Variants in GRM7 observed in about 807,000 individuals in gnomAD.
GRM7 encodes the protein glutamate metabotropic receptor 7.
Under a neutral mutation model 84.5 loss-of-function variants are expected in GRM7, and 35 were observed. That is an observed-to-expected ratio of 0.41 (90% confidence interval 0.32 to 0.55). The LOEUF (loss-of-function observed/expected upper bound fraction) is 0.55, where lower values mean the gene tolerates loss of function less well. Ranked by LOEUF, GRM7 falls within the 20% of genes least tolerant of loss-of-function variation. GRM7 has a pLI of 0.19. For synonymous variants in GRM7, 487 were observed against 455.1 expected, an observed-to-expected ratio of 1.07 and a Z score of -0.89; for missense variants, 1,003 against 1,194.6, an observed-to-expected ratio of 0.84 and a Z score of 2.36.
chr3:6,942,984 A>G (rs1284262551), intron 1 of GRM7, among the ~76,000 whole-genome samples: 1 of 152,008 alleles, frequency 6.6e-6, no homozygotes, highest in Non-Finnish European at 1.5e-5. Context: ...GATTTTTATT[A>G]TATCATTGGA....
intron 4 of GRM7, among the ~76,000 whole-genome samples, chr3:7,346,707 G>C (rs896700816): frequency 6.6e-6 from 1 of 152,034 alleles, no homozygotes; most frequent in Non-Finnish European, 1.5e-5. Flanking sequence ...ACTGGAAAAC[G>C]TACTACCAGT....
At chr3:7,695,433 T>C (rs566337891) in intron 9 of GRM7, among the ~76,000 whole-genome samples, 1 of 152,236 alleles carries the variant, frequency 6.6e-6, no homozygotes, top group South Asian at 2.1e-4. Context: ...GTCTACATTT[T>C]TTTTTAGCCC....
intron 9 of GRM7, among the ~76,000 whole-genome samples, chr3:7,711,865 C>T (rs1465666130): frequency 1.3e-5 from 2 of 152,212 alleles, no homozygotes; most frequent in South Asian, 2.1e-4. Context: ...CAAACACAGT[C>T]GGCTTACCTC....
intron 1 of GRM7, among the ~76,000 whole-genome samples, chr3:7,063,611 G>T (rs1697510955): frequency 6.6e-6 from 1 of 151,638 alleles, no homozygotes; most frequent in Admixed American, 6.6e-5. Flanking sequence ...TCTTTTACAT[G>T]AAATAATTTG....
chr3:6,897,201 C>G (rs1010411115), intron 1 of GRM7, among the ~76,000 whole-genome samples: 4 of 152,154 alleles, frequency 2.6e-5, no homozygotes, highest in African/African-American at 9.7e-5. Context: ...TACTATTGAA[C>G]AGCTTCTTTA....
chr3:7,531,474 C>T (rs1173267358), intron 7 of GRM7, among the ~76,000 whole-genome samples: 1 of 152,050 alleles, frequency 6.6e-6, no homozygotes, highest in South Asian at 2.1e-4. Context: ...TGTTTGTGTC[C>T]TCTCTTATTT....
At chr3:7,298,879 GAA>G in intron 3 of GRM7, 54 bp downstream of exon 3, 1 of 1,455,710 alleles carries the variant, frequency 6.9e-7, no homozygotes, top group African/African-American at 1.4e-5. Flanking sequence ...TTAGGAGAGA[GAA>G]AGATTAGGCT....
At chr3:7,499,597 C>T (rs2124962316) in intron 7 of GRM7, among the ~76,000 whole-genome samples, 1 of 152,208 alleles carries the variant, frequency 6.6e-6, no homozygotes, top group South Asian at 2.1e-4. Context: ...GACTTATTTT[C>T]AGATGAGGAA....
intron 4 of GRM7, among the ~76,000 whole-genome samples, chr3:7,348,067 CTG>C (rs1433879852): frequency 6.6e-6 from 1 of 152,158 alleles, no homozygotes; most frequent in Non-Finnish European, 1.5e-5. Context: ...GTGGTAAAAT[CTG>C]TGTGCTTCTG....
At chr3:7,700,920 T>C (rs1465784987) in intron 9 of GRM7, among the ~76,000 whole-genome samples, 1 of 152,224 alleles carries the variant, frequency 6.6e-6, no homozygotes, top group Non-Finnish European at 1.5e-5. Flanking sequence ...TTTCCTTCCC[T>C]TCATAAGTGA....
chr3:7,468,631 C>G (rs1478434898), intron 7 of GRM7, among the ~76,000 whole-genome samples: 1 of 152,178 alleles, frequency 6.6e-6, no homozygotes, highest in Non-Finnish European at 1.5e-5. Flanking sequence ...ACCCAAATCT[C>G]ATCTTAAATT....
At chr3:7,078,281 C>G (rs1426418768) in intron 1 of GRM7, among the ~76,000 whole-genome samples, 1 of 152,200 alleles carries the variant, frequency 6.6e-6, no homozygotes, top group East Asian at 1.9e-4. Context: ...CACCCAGAAA[C>G]TTGTTAGAAA....
At chr3:7,441,456 T>G (rs1378672706) in intron 5 of GRM7, among the ~76,000 whole-genome samples, 1 of 152,176 alleles carries the variant, frequency 6.6e-6, no homozygotes, top group Non-Finnish European at 1.5e-5. Flanking sequence ...TTTACTCCAT[T>G]GATGGTTTCT....
chr3:7,669,321 A>G (rs1377509851), intron 8 of GRM7, among the ~76,000 whole-genome samples: 1 of 152,212 alleles, frequency 6.6e-6, no homozygotes, highest in East Asian at 1.9e-4. Flanking sequence ...AAAGACAAGT[A>G]GGAGGTAGCT....
rs1474722542 is a variant in GRM7, at chr3:7,060,832, G to A, written c.520-85620G>A. Among the ~76,000 whole-genome samples, 5 of 151,844 alleles carry A rather than the reference G, an allele frequency of 3.3e-5. No homozygotes were observed. In the South Asian group the frequency reaches 8.3e-4, roughly 25 times the overall value. On this transcript the variant is annotated intron_variant, in intron 1 of 9. Transcript: ENST00000357716. ...AATATTATGGGGAAAGGTAAAGACA[G>A]TGTCTTTGAAGCATATGTTGATGTT...
At chr3:7,157,576 A>G (rs977661226) in intron 2 of GRM7, among the ~76,000 whole-genome samples, 3 of 152,138 alleles carry the variant, frequency 2.0e-5, no homozygotes, top group African/African-American at 7.2e-5. Flanking sequence ...AGGACTGTTC[A>G]AGCTACTAGC....
intron 7 of GRM7, among the ~76,000 whole-genome samples, chr3:7,502,108 C>T (rs1216167714): frequency 6.6e-6 from 1 of 152,192 alleles, no homozygotes; most frequent in African/African-American, 2.4e-5. Context: ...TGCTAAGCTT[C>T]ACTATCCTTA....
chr3:7,597,525 C>G (rs1696106741), intron 8 of GRM7, among the ~76,000 whole-genome samples: 1 of 152,196 alleles, frequency 6.6e-6, no homozygotes, highest in African/African-American at 2.4e-5. Flanking sequence ...GTCCAGCAGA[C>G]TGTTCCATGA....
chr3:7,399,982 C>T (rs1452326485), intron 4 of GRM7, among the ~76,000 whole-genome samples: 12 of 152,158 alleles, frequency 7.9e-5, no homozygotes. Context: ...GTACCTACCT[C>T]AGAGGTATTA....
Sources: gnomAD v4.1 joint callset for allele counts (sites outside exome capture counted in the v4.1 genomes callset) on GRCh38, gnomAD v4.1.1 for gene constraint, MANE v1.5 for transcripts, NCBI Gene and HGNC (gene_info 2026-07-23, HGNC 2026-07-21) for gene names.